The following FKTN variants were observed in gnomAD, a reference collection of about 807,000 sequenced individuals.
FKTN encodes the protein fukutin.
FKTN carries 47 observed loss-of-function variants against 58.6 expected under a neutral mutation model. The observed-to-expected ratio is 0.80, with a 90% CI of 0.63 to 1.02. FKTN has a LOEUF of 1.02. Ranked by LOEUF, FKTN falls within the 50% of genes least tolerant of loss-of-function variation. The pLI is 0.00. For missense variants in FKTN, 516 were observed against 537.3 expected, an observed-to-expected ratio of 0.96 and a Z score of 0.39; for synonymous variants, 178 against 191.9, an observed-to-expected ratio of 0.93 and a Z score of 0.60.
intron 3 of FKTN, among the ~76,000 whole-genome samples, chr9:105,585,895 TG>T (rs1164193608): frequency 6.6e-6 from 1 of 152,210 alleles, no homozygotes; most frequent in Non-Finnish European, 1.5e-5. Context: ...AAGTCATCCT[TG>T]AACTTCAAGG....
intron 10 of FKTN, among the ~76,000 whole-genome samples, chr9:105,626,944 A>G (rs1485762918): frequency 6.6e-6 from 1 of 151,238 alleles, no homozygotes; most frequent in Non-Finnish European, 1.5e-5. Flanking sequence ...TCTTACTTGA[A>G]AATATCTTCT....
chr9:105,566,127 ATCTC>A (rs1192085299), intron 1 of FKTN, among the ~76,000 whole-genome samples: 1 of 152,214 alleles, frequency 6.6e-6, no homozygotes, highest in Non-Finnish European at 1.5e-5. Flanking sequence ...ACATACCAGA[ATCTC>A]TGGGACATGT....
At chr9:105,618,473 C>A (rs184203268) in intron 9 of FKTN, among the ~76,000 whole-genome samples, 1 of 152,236 alleles carries the variant, frequency 6.6e-6, no homozygotes, top group Admixed American at 6.5e-5. Context: ...CCCGCCGTAC[C>A]TGATTGTTTC....
At chr9:105,563,943 C>T (rs1838847068) in intron 1 of FKTN, among the ~76,000 whole-genome samples, 1 of 152,212 alleles carries the variant, frequency 6.6e-6, no homozygotes, top group Admixed American at 6.5e-5. Flanking sequence ...GGGTACCCCT[C>T]TGAGACGAAA....
intron 3 of FKTN, among the ~76,000 whole-genome samples, chr9:105,584,732 A>T (rs1286984353): frequency 2.0e-5 from 3 of 152,080 alleles, no homozygotes; most frequent in Non-Finnish European, 4.4e-5. Flanking sequence ...AGGTGAGAGG[A>T]TCACTTGAGC....
chr9:105,578,998 G>A (rs1842332647), intron 3 of FKTN, among the ~76,000 whole-genome samples: 1 of 151,540 alleles, frequency 6.6e-6, no homozygotes, highest in South Asian at 2.1e-4. Flanking sequence ...ATTTCAGTGG[G>A]ATCGGTGGTG....
chr9:105,622,044 G>T (rs1022054808), intron 10 of FKTN, among the ~76,000 whole-genome samples: 3 of 152,154 alleles, frequency 2.0e-5, no homozygotes, highest in Admixed American at 1.3e-4. Context: ...CAACCACATG[G>T]TTTGAGAATA....
chr9:105,630,016 G>A (rs549998820), intron 10 of FKTN, among the ~76,000 whole-genome samples: 1 of 152,228 alleles, frequency 6.6e-6, no homozygotes, highest in Admixed American at 6.5e-5. Flanking sequence ...ACACAGGGTG[G>A]GGAACATCAC....
At chr9:105,626,282 C>T (rs955344215) in intron 10 of FKTN, among the ~76,000 whole-genome samples, 2 of 152,110 alleles carry the variant, frequency 1.3e-5, no homozygotes, top group East Asian at 1.9e-4. Context: ...CTGGGTGGCT[C>T]ATAAACAGAA....
chr9:105,639,340 A>C lies in FKTN; in HGVS notation c.*4076A>C, dbSNP rs1287437512. ...AATGTGTTGCCATAAAAAGACCACA[A>C]GCTTTTGAGTTAGGCCTGAATTTGA... On this transcript the variant is annotated 3_prime_UTR_variant, in exon 11 of 11. Coordinates refer to ENST00000357998, the MANE Select transcript of FKTN (RefSeq NM_001079802.2). 5 of 950,896 alleles carry C rather than the reference A, an allele frequency of 5.3e-6. No individual in the cohort carries two copies. The highest frequency in any genetic ancestry group is 6.2e-5 in the Admixed American group (1 of 16,224). 58.9% of individuals were successfully genotyped at this position (950,896 alleles called of 1,614,324 possible).
chr9:105,607,366 T>C (rs560263393), intron 6 of FKTN, among the ~76,000 whole-genome samples: 3 of 152,152 alleles, frequency 2.0e-5, no homozygotes, highest in South Asian at 4.1e-4. Context: ...TGTTTCTGCT[T>C]AAAATGCCAA....
intron 3 of FKTN, among the ~76,000 whole-genome samples, chr9:105,581,242 T>C (rs1842830983): frequency 6.7e-6 from 1 of 149,168 alleles, no homozygotes; most frequent in Admixed American, 6.7e-5. Context: ...GGAGAGGCGC[T>C]CTGCGTTTTA....
At chr9:105,620,822 A>AGTAGTAGTAGTAGT (rs1554761922) in intron 10 of FKTN, among the ~76,000 whole-genome samples, 1 of 149,390 alleles carries the variant, frequency 6.7e-6, no homozygotes, top group Non-Finnish European at 1.5e-5. Flanking sequence ...TAGTAGTAGT[A>AGTAGTAGTAGTAGT]AAGAAAACTA....
chr9:105,567,362 C>A (rs1432395321), intron 1 of FKTN, among the ~76,000 whole-genome samples: 1 of 152,164 alleles, frequency 6.6e-6, no homozygotes, highest in African/African-American at 2.4e-5. Context: ...CAAATTGTCC[C>A]TGTTTGCAGA....
intron 1 of FKTN, among the ~76,000 whole-genome samples, chr9:105,558,545 C>T (rs1188775404): frequency 6.6e-6 from 1 of 151,772 alleles, no homozygotes; most frequent in South Asian, 2.1e-4. Flanking sequence ...AGATTACAGC[C>T]GTGAGCCACC....
rs753338116 is a variant in FKTN at position 105,604,326 on chromosome 9, C to T, written c.481C>T (p.His161Tyr). 2 of 1,614,120 alleles carry T rather than the reference C, an allele frequency of 1.2e-6. No individual in the cohort carries two copies. The highest frequency in any genetic ancestry group is 1.7e-6 in the Non-Finnish European group (2 of 1,179,994). The change falls in exon 6 of 11, where the codon CAC (histidine) becomes TAC (tyrosine). Residue 161 changes from histidine to tyrosine, a missense_variant. Transcript: ENST00000357998. ...ACTCTCTGGAACTGAAATCCCCCTG[C>T]ACTATATCTGCAAACTGGCCACTCA... ...DSLSGTEIPL[H>Y]YICKLATHAI... is the part of the protein sequence containing the mutation.
At chr9:105,576,120 GAC>G (rs1213412355) in intron 3 of FKTN, among the ~76,000 whole-genome samples, 2 of 148,814 alleles carry the variant, frequency 1.3e-5, no homozygotes, top group Admixed American at 1.3e-4. Context: ...ACCTAATTTT[GAC>G]AGATAAGAAA....
At chr9:105,601,499 A>G in intron 5 of FKTN, 151 bp downstream of exon 5, 1 of 630,548 alleles carries the variant, frequency 1.6e-6, no homozygotes, top group South Asian at 1.9e-5. Context: ...TAACAATACA[A>G]CTAATCACTA....
intron 3 of FKTN, among the ~76,000 whole-genome samples, chr9:105,595,006 G>A (rs997170514): frequency 2.6e-5 from 4 of 152,192 alleles, no homozygotes; most frequent in African/African-American, 9.6e-5. Flanking sequence ...AGCCATAAAA[G>A]GAAATGAAGT....
Sources: gnomAD v4.1 joint callset for allele counts (sites outside exome capture counted in the v4.1 genomes callset) on GRCh38, gnomAD v4.1.1 for gene constraint, MANE v1.5 for transcripts, NCBI Gene and HGNC (gene_info 2026-07-23, HGNC 2026-07-21) for gene names.